Variants in STIM1 observed in about 807,000 individuals in gnomAD.
The protein encoded by STIM1 is stromal interaction molecule 1.
STIM1 carries 25 observed loss-of-function variants against 74.7 expected under a neutral mutation model. The observed-to-expected ratio is 0.33, with a 90% confidence interval of 0.24 to 0.47. The LOEUF (loss-of-function observed/expected upper bound fraction) is 0.47, where lower values mean the gene tolerates loss of function less well. Among genes scored for constraint, STIM1 ranks in the 20% least tolerant of loss-of-function variants. The probability of loss-of-function intolerance (pLI) is 1.00; values close to 1 mark genes in which losing one functional copy is unlikely to be tolerated. For missense variants in STIM1, 728 were observed against 920.8 expected (o/e 0.79, Z 2.71); for synonymous variants, 328 against 348.8 (o/e 0.94, Z 0.66).
intron 5 of STIM1, among the ~76,000 whole-genome samples, 171 bp from the exon 6 acceptor site, chr11:4,069,855 C>T (rs531374340): frequency 1.3e-5 from 2 of 152,284 alleles, no homozygotes; most frequent in East Asian, 3.9e-4. Context: ...AGACATAGAG[C>T]TTACTGTAAT....
At chr11:4,027,258 G>T (rs1156798097) in intron 3 of STIM1, among the ~76,000 whole-genome samples, 1 of 152,068 alleles carries the variant, frequency 6.6e-6, no homozygotes, top group Non-Finnish European at 1.5e-5. Flanking sequence ...CAAGAATGAG[G>T]GCCACTCCAG....
chr11:3,916,807 C>G (rs780115256), intron 1 of STIM1, among the ~76,000 whole-genome samples: 7 of 151,884 alleles, frequency 4.6e-5, no homozygotes, highest in Non-Finnish European at 1.0e-4. Flanking sequence ...AGGCTGTTCT[C>G]GAACTCCTGA....
intron 1 of STIM1, among the ~76,000 whole-genome samples, chr11:3,916,171 G>GT (rs2092639995): frequency 6.6e-6 from 1 of 152,134 alleles, no homozygotes. Flanking sequence ...ACCTCAAAGA[G>GT]TTTTATGGTT....
At chr11:3,989,647 A>C (rs149012472) in intron 2 of STIM1, among the ~76,000 whole-genome samples, 86 of 152,390 alleles carry the variant, frequency 5.6e-4, no homozygotes, top group Middle Eastern at 6.8e-3. Flanking sequence ...AAGCTAAAGA[A>C]GAATTTCAAG....
chr11:4,025,551 T>G (rs1381813629), intron 3 of STIM1, among the ~76,000 whole-genome samples: 1 of 152,210 alleles, frequency 6.6e-6, no homozygotes, highest in Non-Finnish European at 1.5e-5. Context: ...TAGTTTTGGC[T>G]TTCTTATTTT....
At chr11:3,933,865 G>C (rs1226335282) in intron 1 of STIM1, among the ~76,000 whole-genome samples, 3 of 152,168 alleles carry the variant, frequency 2.0e-5, no homozygotes, top group Admixed American at 6.5e-5. Context: ...TGGCTCATTA[G>C]AAATGAGTTT....
At chr11:3,866,662 C>T (rs893877478) in intron 1 of STIM1, among the ~76,000 whole-genome samples, 1 of 151,876 alleles carries the variant, frequency 6.6e-6, no homozygotes. Context: ...CCTGACCTTG[C>T]GATCCGCCTG....
At chr11:4,022,058 A>G (rs975589322) in intron 2 of STIM1, among the ~76,000 whole-genome samples, 4 of 152,116 alleles carry the variant, frequency 2.6e-5, no homozygotes, top group African/African-American at 7.2e-5. Context: ...TTGGCTGGGC[A>G]TGGTGGCTCA....
chr11:4,083,621 G>T, intron 10 of STIM1, 123 bp downstream of exon 10: 1 of 944,726 alleles, frequency 1.1e-6, no homozygotes, highest in South Asian at 1.4e-5. Flanking sequence ...TTCAACTCAT[G>T]ACCTTGGTCA....
chr11:3,931,398 C>T (rs1054680321), intron 1 of STIM1, among the ~76,000 whole-genome samples: 6 of 152,064 alleles, frequency 3.9e-5, no homozygotes, highest in African/African-American at 7.2e-5. Flanking sequence ...CCTTACCTGC[C>T]CTGGATAAAC....
At chr11:3,857,097 TTTTTTTTTTTG>T (rs1464256076) in intron 1 of STIM1, among the ~76,000 whole-genome samples, 759 of 37,912 alleles carry the variant, frequency 0.02, 12 homozygotes, top group African/African-American at 0.056. Flanking sequence ...ATGCTACAGG[TTTTTTTTTTTG>T]TTTTTTTTTT....
intron 2 of STIM1, among the ~76,000 whole-genome samples, chr11:3,985,485 T>C (rs1590623717): frequency 6.6e-6 from 1 of 152,048 alleles, no homozygotes; most frequent in East Asian, 1.9e-4. Flanking sequence ...AGAAAGCCCA[T>C]AAATGAGGTT....
At chr11:3,904,416 GGAGTGGCAC>G (rs1483413457) in intron 1 of STIM1, among the ~76,000 whole-genome samples, 7 of 151,864 alleles carry the variant, frequency 4.6e-5, no homozygotes, top group Non-Finnish European at 8.8e-5. Context: ...CTACTTGGAG[GGAGTGGCAC>G]GAGATGAAGC....
rs923919706 is a variant in STIM1, at chr11:3,914,522, A to G, written c.140-53030A>G. 2.6e-5 allele frequency among the ~76,000 whole-genome samples: 4 copies of G among 152,218 alleles called. No individual in the cohort carries two copies. The East Asian group carries it at 5.8e-4, about 22-fold the overall frequency. On this transcript the variant is annotated intron_variant, in intron 1 of 12. Coordinates refer to ENST00000526596, the MANE Select transcript of STIM1 (RefSeq NM_001382567.1). ...AGTGGCGCAGTCTCAGCTCACTGCA[A>G]TCTCTGCCTCTTGGGTTCAAACAAT...
chr11:3,974,675 G>C (rs1352708734), intron 2 of STIM1, among the ~76,000 whole-genome samples: 1 of 152,156 alleles, frequency 6.6e-6, no homozygotes, highest in Non-Finnish European at 1.5e-5. Flanking sequence ...CAGAGGCTAT[G>C]TATTGTGGGC....
chr11:4,039,667 G>A (rs2094133367), intron 3 of STIM1, among the ~76,000 whole-genome samples: 1 of 150,984 alleles, frequency 6.6e-6, no homozygotes, highest in Non-Finnish European at 1.5e-5. Flanking sequence ...TTAGTCAGAT[G>A]TATTGAAATT....
At chr11:3,895,670 CTTTCCTTCCTTCCTTCT>C (rs2092071016) in intron 1 of STIM1, among the ~76,000 whole-genome samples, 6 of 42,940 alleles carry the variant, frequency 1.4e-4, no homozygotes, top group African/African-American at 9.1e-4. Context: ...TTCTTTCTTT[CTTTCCTTCCTTCCTTCT>C]TTCTTTCTTT....
intron 2 of STIM1, among the ~76,000 whole-genome samples, chr11:4,010,173 T>TTC (rs550773142): frequency 4.1e-5 from 1 of 24,686 alleles, no homozygotes; most frequent in Non-Finnish European, 4.6e-4. Context: ...AATTTTCTGA[T>TTC]TTTTTTTTTT....
chr11:4,066,453 G>A (rs983669965), intron 5 of STIM1, among the ~76,000 whole-genome samples: 1 of 152,004 alleles, frequency 6.6e-6, no homozygotes, highest in Non-Finnish European at 1.5e-5. Context: ...ACCTGTTCTG[G>A]TCAGACCCTG....
Sources: gnomAD v4.1 joint callset for allele counts (sites outside exome capture counted in the v4.1 genomes callset) on GRCh38, gnomAD v4.1.1 for gene constraint, MANE v1.5 for transcripts, NCBI Gene and HGNC (gene_info 2026-07-23, HGNC 2026-07-21) for gene names.